MYLK3: variants seen among roughly 807,000 people sequenced by gnomAD.
MYLK3 encodes MLC kinase.
A neutral mutation model predicts 76.3 loss-of-function variants in MYLK3; 55 were observed. That is an observed-to-expected ratio of 0.72 (90% CI 0.58 to 0.90). The LOEUF is 0.90. Ranked by LOEUF, MYLK3 falls within the 40% of genes least tolerant of loss-of-function variation. The pLI, the probability that MYLK3 is intolerant of heterozygous loss-of-function variation, is 0.00. For synonymous variants in MYLK3, 416 were observed against 425.4 expected, an observed-to-expected ratio of 0.98 and a Z score of 0.27; for missense variants, 973 against 1,053.6, an observed-to-expected ratio of 0.92 and a Z score of 1.06.
intron 1 of MYLK3, among the ~76,000 whole-genome samples, chr16:46,742,149 T>A (rs1966941313): frequency 6.6e-6 from 1 of 152,082 alleles, no homozygotes; most frequent in South Asian, 2.1e-4. Context: ...GCATAGTTTG[T>A]GTGTATGTGC....
chr16:46,756,469 C>T lies in MYLK3; in HGVS notation c.-114+6571G>A, dbSNP rs77448991. 4.3e-4 allele frequency among the ~76,000 whole-genome samples: 65 copies of T among 152,328 alleles called. 2 individuals carry two copies. The East Asian group carries it at 0.012, about 28-fold the overall frequency. Reference sequence around the variant, plus strand: ...AAAAGAAACAAAGAAACAGCTTCAACGTGTTTGCTTCTGGGGACCAGGACA... The same window carrying T: ...AAAAGAAACAAAGAAACAGCTTCAATGTGTTTGCTTCTGGGGACCAGGACA... On this transcript the variant is annotated intron_variant, in intron 1 of 11. Coordinates refer to the MYLK3 transcript ENST00000536476.
chr16:46,732,679 G>C lies in MYLK3; in HGVS notation c.1002-11C>G, dbSNP rs577054670. ...ATGTGGATGGAGATCCTGGGGTGGA[G>C]AGAAACATGGTGCTGAGGTTAGAGG... On this transcript the variant is annotated splice_polypyrimidine_tract_variant and intron_variant, in intron 3 of 12. Transcript: ENST00000394809. The C allele has an allele frequency of 6.7e-7, 1 of 1,487,094 alleles. No homozygotes were observed. Among genetic ancestry groups the C allele is most frequent in the African/African-American group, 1.4e-5 (1 of 71,694 alleles). 92.1% of individuals were successfully genotyped at this position (1,487,094 alleles called of 1,614,324 possible). A position where few individuals can be genotyped will look rare whatever the true frequency, so the allele number is the denominator to read the frequency against.
intron 8 of MYLK3, among the ~76,000 whole-genome samples, chr16:46,725,016 TTTTCTAAGTATA>T (rs1182690271): frequency 6.6e-6 from 1 of 152,222 alleles, no homozygotes; most frequent in Non-Finnish European, 1.5e-5. Flanking sequence ...TTGTTAATTT[TTTTCTAAGTATA>T]TTTCTAAGTG....
Position 46,721,162 on chromosome 16 carries a change from C to A in MYLK3, c.1946G>T (p.Gly649Val), listed in dbSNP as rs975297553. 1 of 1,614,090 alleles carries A rather than the reference C, an allele frequency of 6.2e-7. No individual in the cohort carries two copies. The highest frequency in any genetic ancestry group is 1.3e-5 in the African/African-American group (1 of 74,942). ...AAAGTCAATGATCTTAATTTGATGTCCTGTCTGATTGACGCACAATATGTT... is the reference window on the plus strand; with the variant it reads ...AAAGTCAATGATCTTAATTTGATGTACTGTCTGATTGACGCACAATATGTT... ...PENILCVNQT[G>V]HQIKIIDFGL... The change falls in exon 9 of 13, where the codon GGA becomes GTA. Residue 649 changes from glycine to valine, a missense_variant. Physicochemically the swap from Gly to Val is moderately radical, Grantham distance 109. Coordinates refer to ENST00000394809, the MANE Select transcript of MYLK3 (RefSeq NM_182493.3).
intron 10 of MYLK3, among the ~76,000 whole-genome samples, chr16:46,712,037 C>T (rs961195471): frequency 2.1e-5 from 3 of 142,586 alleles, no homozygotes; most frequent in Middle Eastern, 4.2e-3. Context: ...GTCACTCAGG[C>T]TGGAATGCAA....
At chr16:46,762,705 T>A (rs566689077) in intron 1 of MYLK3, among the ~76,000 whole-genome samples, 1 of 152,198 alleles carries the variant, frequency 6.6e-6, no homozygotes, top group African/African-American at 2.4e-5. Flanking sequence ...GTACAACTCA[T>A]AAACCACACA....
chr16:46,720,977 T>G (rs1966793193), intron 9 of MYLK3, 146 bp downstream of exon 9: 3 of 740,126 alleles, frequency 4.1e-6, no homozygotes, highest in Admixed American at 4.3e-5. Context: ...TGTCTGCAAG[T>G]CAAAGGCCAC....
intron 9 of MYLK3, 33 bp downstream of exon 9, chr16:46,721,090 T>C (rs767068429): frequency 1.3e-6 from 2 of 1,594,096 alleles, no homozygotes; most frequent in Middle Eastern, 1.7e-4. Context: ...TCCCAAGGAA[T>C]TTTGTTAAGG....
chr16:46,728,932 G>C (rs1454688091), intron 7 of MYLK3, 92 bp downstream of exon 7: 2 of 926,234 alleles, frequency 2.2e-6, no homozygotes, highest in African/African-American at 3.3e-5. Context: ...AAGGGGAAAG[G>C]AGAGAGAGGG....
chr16:46,712,522 T>C, intron 10 of MYLK3, 126 bp downstream of exon 10: 1 of 801,312 alleles, frequency 1.2e-6, no homozygotes. Context: ...CCTATTCCTC[T>C]ATTGGGGTTT....
rs1223728384 is a variant in MYLK3 at position 46,747,914 on chromosome 16, G to A, written c.280C>T (p.Leu94=). Residue 94 remains leucine, a synonymous_variant, in exon 1 of 13, where the codon CTG becomes TTG. Coordinates refer to ENST00000394809, the MANE Select transcript of MYLK3 (RefSeq NM_182493.3). ...TGCTGCATGGCCCTCACCAGCTCCA[G>A]GACCTCGGGCCACCCAGCCTGGGTG... is the stretch of plus-strand genomic sequence containing the variant. The part of the protein sequence containing the change: ...IDTQAGWPEV[L]ELVRAMQQDA... 1.2e-6 allele frequency: 2 copies of A among 1,613,748 alleles called. No homozygotes were observed. Among genetic ancestry groups the A allele is most frequent in the Non-Finnish European group, 1.7e-6 (2 of 1,179,916 alleles).
intron 8 of MYLK3, among the ~76,000 whole-genome samples, chr16:46,723,364 C>T (rs1966818102): frequency 6.6e-6 from 1 of 152,092 alleles, no homozygotes; most frequent in African/African-American, 2.4e-5. Context: ...ATGGATTAGA[C>T]CATATTTTGT....
intron 1 of MYLK3, among the ~76,000 whole-genome samples, chr16:46,741,933 GCTAATT>G (rs1264664491): frequency 6.6e-6 from 1 of 152,096 alleles, no homozygotes; most frequent in Non-Finnish European, 1.5e-5. Context: ...ACCACCTCCA[GCTAATT>G]GTTGGTTGAT....
rs1966608857 is a variant in MYLK3 at position 46,704,754 on chromosome 16, G to C, written c.*2950C>G. The C allele has an allele frequency of 6.6e-6, 1 of 152,144 alleles. No individual in the cohort carries two copies. Among genetic ancestry groups the C allele is most frequent in the Non-Finnish European group, 1.5e-5 (1 of 68,022 alleles). The allele number at this position is 152,144 out of a possible 1,614,324, so 9.4% of individuals were successfully genotyped here. A position where few individuals can be genotyped will look rare whatever the true frequency, so the allele number is the denominator to read the frequency against. ...GTTGGGCAGTGCTGCTCTAGATATGGTAATTAACTGTCTTTTTCTGGGGAG... is the reference window on the plus strand; with the variant it reads ...GTTGGGCAGTGCTGCTCTAGATATGCTAATTAACTGTCTTTTTCTGGGGAG... On this transcript the variant is annotated 3_prime_UTR_variant, in exon 13 of 13. Coordinates refer to ENST00000394809, the MANE Select transcript of MYLK3 (RefSeq NM_182493.3).
chr16:46,738,194 C>A, intron 2 of MYLK3, 51 bp from the exon 3 acceptor site: 1 of 1,408,964 alleles, frequency 7.1e-7, no homozygotes, highest in Non-Finnish European at 9.4e-7. Flanking sequence ...GAGGAGTCTG[C>A]CACAAAGATA....
intron 3 of MYLK3, among the ~76,000 whole-genome samples, chr16:46,736,264 C>T (rs954106564): frequency 6.6e-6 from 1 of 152,198 alleles, no homozygotes; most frequent in Non-Finnish European, 1.5e-5. Context: ...CCTCCCGCCT[C>T]GGCCTCTCAC....
In MYLK3 at chr16:46,705,570, G is replaced by A. The variant is rs1966615847; in HGVS notation, c.*2134C>T. ...AAGCTGCTCACCTGAGGAAAAAAAT[G>A]GGAATAGCACAAAAATCATGTAGAA... On this transcript the variant is annotated 3_prime_UTR_variant, in exon 13 of 13. Coordinates refer to ENST00000394809, the MANE Select transcript of MYLK3 (RefSeq NM_182493.3). 1 of 152,052 alleles carries A rather than the reference G, an allele frequency of 6.6e-6. No homozygotes were observed. The highest frequency in any genetic ancestry group is 1.5e-5 in the Non-Finnish European group (1 of 67,998). The allele number at this position is 152,052 out of a possible 1,614,324, so 9.4% of individuals were successfully genotyped here. A position where few individuals can be genotyped will look rare whatever the true frequency, so the allele number is the denominator to read the frequency against.
At chr16:46,736,497 C>T (rs1022226404) in intron 3 of MYLK3, among the ~76,000 whole-genome samples, 1 of 152,216 alleles carries the variant, frequency 6.6e-6, no homozygotes, top group African/African-American at 2.4e-5. Flanking sequence ...GAGAACTTTT[C>T]TTCTCTGTCA....
chr16:46,737,569 G>A, intron 3 of MYLK3, 142 bp downstream of exon 3: 2 of 759,634 alleles, frequency 2.6e-6, no homozygotes, highest in Non-Finnish European at 4.1e-6. Context: ...AGCTCCCAGA[G>A]GCAGGGCCCA....
Sources: allele counts gnomAD v4.1 joint callset (sites outside exome capture counted in the v4.1 genomes callset), GRCh38; gene constraint gnomAD v4.1.1; transcripts MANE v1.5; gene names NCBI Gene and HGNC (gene_info 2026-07-23, HGNC 2026-07-21).